TTBK2: variants seen among roughly 807,000 people sequenced by gnomAD.
TTBK2 encodes the protein tau tubulin kinase 2, also known as tau-tubulin kinase 2.
In TTBK2, 28 loss-of-function variants were observed where a neutral mutation model predicts 110.8. The ratio of observed to expected loss-of-function variants is 0.25; its 90% confidence interval spans 0.19 to 0.35. The LOEUF (loss-of-function observed/expected upper bound fraction) is 0.35. Ranked by LOEUF, TTBK2 falls within the 10% of genes least tolerant of loss-of-function variation. The pLI is 1.00. For missense variants in TTBK2, 1,369 were observed against 1,500.3 expected, an observed-to-expected ratio of 0.91 and a Z score of 1.45; for synonymous variants, 532 against 527.3, an observed-to-expected ratio of 1.01 and a Z score of -0.12.
intron 8 of TTBK2, among the ~76,000 whole-genome samples, chr15:42,811,382 C>A (rs955118333): frequency 7.9e-5 from 12 of 152,022 alleles, no homozygotes; most frequent in African/African-American, 2.7e-4. Context: ...ATATGACAAT[C>A]AAAAACTAAA....
At chr15:42,773,145 G>A (rs1889749796) in intron 13 of TTBK2, among the ~76,000 whole-genome samples, 1 of 152,144 alleles carries the variant, frequency 6.6e-6, no homozygotes, top group Non-Finnish European at 1.5e-5. Context: ...CAAGGTTACA[G>A]TAAGGTATGA....
chr15:42,790,446 A>G (rs1890610503), intron 10 of TTBK2, among the ~76,000 whole-genome samples: 2 of 151,514 alleles, frequency 1.3e-5, no homozygotes, highest in South Asian at 4.2e-4. Context: ...CACCACACCC[A>G]GCTAATTTTT....
chr15:42,841,740 T>C (rs575745150), intron 3 of TTBK2, among the ~76,000 whole-genome samples: 1 of 152,104 alleles, frequency 6.6e-6, no homozygotes, highest in Non-Finnish European at 1.5e-5. Flanking sequence ...TAGAGATAGA[T>C]AAAATAAGAT....
At chr15:42,890,890 T>TG (rs1452963089) in intron 1 of TTBK2, among the ~76,000 whole-genome samples, 2 of 152,178 alleles carry the variant, frequency 1.3e-5, no homozygotes, top group Non-Finnish European at 2.9e-5. Context: ...TTTTTTGAGA[T>TG]GGAGTCTCAC....
At chr15:42,808,945 G>C (rs915137263) in intron 9 of TTBK2, among the ~76,000 whole-genome samples, 2 of 152,160 alleles carry the variant, frequency 1.3e-5, no homozygotes, top group African/African-American at 2.4e-5. Context: ...ATTAATCACA[G>C]GGACAGCATG....
intron 6 of TTBK2, among the ~76,000 whole-genome samples, chr15:42,818,881 C>T (rs1892160935): frequency 7.0e-6 from 1 of 143,060 alleles, no homozygotes; most frequent in Non-Finnish European, 1.5e-5. Context: ...CAAGATTGAG[C>T]CACTGCACTC....
intron 9 of TTBK2, chr15:42,801,218 C>A: frequency 1.3e-6 from 2 of 1,502,820 alleles, no homozygotes; most frequent in South Asian, 1.2e-5. Context: ...CCAGCCAGCT[C>A]TCCTCGCCCT....
rs541463213 is a variant in TTBK2 at position 42,887,175 on chromosome 15, G to T, written c.-67-8491C>A. Among the ~76,000 whole-genome samples the T allele has an allele frequency of 3.3e-5, 5 of 152,210 alleles. No homozygotes were observed. In the East Asian group the frequency reaches 9.6e-4, roughly 29 times the overall value. On this transcript the variant is annotated intron_variant, in intron 1 of 14. Transcript: ENST00000267890. ...ACTCCCCAACACTGGGGCCAACTTG[G>T]AAAACATTCTTTAATGCACTCCTTT... is the stretch of plus-strand genomic sequence containing the variant.
chr15:42,837,345 G>A (rs1172226283), intron 4 of TTBK2, among the ~76,000 whole-genome samples: 4 of 141,732 alleles, frequency 2.8e-5, no homozygotes, highest in South Asian at 2.3e-4. Context: ...GTGACAAAGC[G>A]AGACTCCATC....
At chr15:42,902,287 G>A (rs950211091) in intron 1 of TTBK2, among the ~76,000 whole-genome samples, 9 of 151,582 alleles carry the variant, frequency 5.9e-5, no homozygotes, top group South Asian at 2.1e-4. Context: ...TCGGGAGGCC[G>A]AGGTGGGTGG....
intron 13 of TTBK2, among the ~76,000 whole-genome samples, chr15:42,772,908 C>T (rs1197106469): frequency 6.6e-6 from 1 of 152,150 alleles, no homozygotes; most frequent in African/African-American, 2.4e-5. Flanking sequence ...TGGAAAAACC[C>T]TGTCTCTACA....
intron 1 of TTBK2, among the ~76,000 whole-genome samples, chr15:42,897,551 T>A (rs968041201): frequency 6.6e-6 from 1 of 151,870 alleles, no homozygotes; most frequent in African/African-American, 2.4e-5. Flanking sequence ...ACACATTAAG[T>A]TGAGAAGGAT....
At chr15:42,825,952 A>G (rs1352746315) in intron 6 of TTBK2, among the ~76,000 whole-genome samples, 3 of 152,110 alleles carry the variant, frequency 2.0e-5, no homozygotes, top group African/African-American at 7.2e-5. Flanking sequence ...CTTAACCTAG[A>G]TGGAGGCCAG....
chr15:42,753,610 AAG>A (rs1007718859), intron 13 of TTBK2, among the ~76,000 whole-genome samples: 2 of 152,198 alleles, frequency 1.3e-5, no homozygotes, highest in African/African-American at 4.8e-5. Flanking sequence ...GGTTAGAGGA[AAG>A]AGGGGGCTGG....
intron 2 of TTBK2, among the ~76,000 whole-genome samples, chr15:42,875,988 AGGTTGGGGGTTGGG>A (rs1894807221): frequency 6.6e-6 from 1 of 150,662 alleles, no homozygotes; most frequent in African/African-American, 2.4e-5. Context: ...ATGAGCCACC[AGGTTGGGGGTTGGG>A]GGTTGGGGGT....
intron 3 of TTBK2, among the ~76,000 whole-genome samples, chr15:42,849,769 C>A (rs1260196628): frequency 6.6e-6 from 1 of 152,110 alleles, no homozygotes; most frequent in Non-Finnish European, 1.5e-5. Context: ...AGTGGTCTAT[C>A]CCATAATTCA....
intron 10 of TTBK2, among the ~76,000 whole-genome samples, chr15:42,791,830 T>G (rs1890698762): frequency 6.6e-6 from 1 of 152,178 alleles, no homozygotes; most frequent in African/African-American, 2.4e-5. Flanking sequence ...AATTCCCTAT[T>G]ACTGACTATA....
chr15:42,837,368 A>T (rs2079766941), intron 4 of TTBK2, among the ~76,000 whole-genome samples: 1 of 150,804 alleles, frequency 6.6e-6, no homozygotes, highest in South Asian at 2.1e-4. Flanking sequence ...AAAAAAAAAA[A>T]AAAAAAAGGC....
chr15:42,809,496 G>T (rs887521764), intron 9 of TTBK2, among the ~76,000 whole-genome samples: 1 of 152,202 alleles, frequency 6.6e-6, no homozygotes, highest in African/African-American at 2.4e-5. Context: ...TAGCACTCAA[G>T]ATGGGAAAGT....
Sources: allele counts gnomAD v4.1 joint callset (sites outside exome capture counted in the v4.1 genomes callset), GRCh38; gene constraint gnomAD v4.1.1; transcripts MANE v1.5; gene names NCBI Gene and HGNC (gene_info 2026-07-23, HGNC 2026-07-21).